TRAPPC13: variants seen among roughly 807,000 people sequenced by gnomAD.
TRAPPC13 encodes trafficking protein particle complex subunit 13.
A neutral mutation model predicts 54.0 loss-of-function variants in TRAPPC13; 39 were observed. The observed-to-expected ratio is 0.72, with a 90% confidence interval of 0.56 to 0.94. The LOEUF is 0.94. Ranked by LOEUF, TRAPPC13 falls within the 40% of genes least tolerant of loss-of-function variation. The pLI is 0.00. For missense variants in TRAPPC13, 386 were observed against 488.1 expected (o/e 0.79, Z 1.97); for synonymous variants, 148 against 167.7 (o/e 0.88, Z 0.91).
intron 4 of TRAPPC13, 102 bp downstream of exon 4, chr5:65,637,882 G>A: frequency 1.9e-6 from 1 of 535,566 alleles, no homozygotes; most frequent in Non-Finnish European, 3.2e-6. Flanking sequence ...ACTTTAGGAG[G>A]CTGAAGCAGG....
intron 1 of TRAPPC13, among the ~76,000 whole-genome samples, chr5:65,634,068 C>T (rs1376336555): frequency 6.6e-6 from 1 of 150,594 alleles, no homozygotes; most frequent in East Asian, 1.9e-4. Context: ...TCACTGCAAC[C>T]TCCGCCTCCC....
chr5:65,625,132 C>T (rs1755147142), intron 1 of TRAPPC13, 26 bp downstream of exon 1: 5 of 1,602,362 alleles, frequency 3.1e-6, no homozygotes, highest in Non-Finnish European at 4.3e-6. Context: ...CCTGATTCCC[C>T]CTTTTCTGTT....
chr5:65,639,334 T>G (rs1025757272), intron 4 of TRAPPC13, among the ~76,000 whole-genome samples: 2 of 151,776 alleles, frequency 1.3e-5, no homozygotes, highest in Non-Finnish European at 2.9e-5. Context: ...TGAAAAATTA[T>G]TTTTTAAAAT....
At chr5:65,650,952 G>A (rs947384584) in intron 6 of TRAPPC13, 70 bp downstream of exon 6, 56 of 1,129,542 alleles carry the variant, frequency 5.0e-5, no homozygotes, top group African/African-American at 2.3e-4. Flanking sequence ...AGTTATTCCC[G>A]TTTATCTGCA....
intron 4 of TRAPPC13, among the ~76,000 whole-genome samples, 155 bp downstream of exon 4, chr5:65,637,935 A>G (rs917444020): frequency 1.3e-5 from 2 of 151,746 alleles, no homozygotes; most frequent in Non-Finnish European, 2.9e-5. Context: ...CCTGGCCAAC[A>G]TGGTGAAACC....
At chr5:65,629,688 C>G in intron 1 of TRAPPC13, 1 of 1,536,002 alleles carries the variant, frequency 6.5e-7, no homozygotes, top group Non-Finnish European at 8.7e-7. Flanking sequence ...CCTACTCGTC[C>G]GCTATCAAGA....
intron 1 of TRAPPC13, chr5:65,630,533 C>T (rs1023140264): frequency 2.4e-6 from 3 of 1,274,700 alleles, no homozygotes; most frequent in Non-Finnish European, 3.0e-6. Flanking sequence ...ATTGTTTACA[C>T]TGAATTTGAA....
chr5:65,659,348 A>G (rs971777218), intron 9 of TRAPPC13, among the ~76,000 whole-genome samples: 13 of 152,206 alleles, frequency 8.5e-5, no homozygotes, highest in Non-Finnish European at 1.5e-4. Context: ...CTCCATCTTC[A>G]TCCCTCCATT....
Position 65,664,338 on chromosome 5 carries a change from C to T in TRAPPC13, c.1100C>T (p.Ser367Leu), listed in dbSNP as rs1756955941. 10 of 1,613,844 alleles carry T rather than the reference C, an allele frequency of 6.2e-6. No individual in the cohort carries two copies. Among genetic ancestry groups the T allele is most frequent in the Non-Finnish European group, 8.5e-6 (10 of 1,179,872 alleles). Residue 367 changes from serine (S) to leucine (L), a missense_variant, in exon 12 of 13, where the codon TCG becomes TTG. Physicochemically the swap from Ser to Leu is moderately radical, Grantham distance 145. Coordinates refer to ENST00000399438, the MANE Select transcript of TRAPPC13 (RefSeq NM_024941.4). ...RQLGKLHPSS[S>L]LCLALTLLSS... The stretch of plus-strand genomic sequence containing the variant: ...CTGGGAAAGCTGCATCCAAGTTCTT[C>T]GCTCTGTCTTGCCCTTACTCTGCTT...
chr5:65,637,989 C>G (rs1755817716), intron 4 of TRAPPC13, among the ~76,000 whole-genome samples: 1 of 150,774 alleles, frequency 6.6e-6, no homozygotes, highest in South Asian at 2.1e-4. Context: ...TGTGGTGGTG[C>G]ACACCTGTAG....
chr5:65,636,144 C>CTT (rs5868412), intron 3 of TRAPPC13, 101 bp downstream of exon 3: 23,093 of 501,876 alleles, frequency 0.046, 1 homozygote, highest in South Asian at 0.072. Context: ...ATACATTTAC[C>CTT]TTTTTTTTTT....
rs1471478934 is a variant in TRAPPC13, at chr5:65,649,896, G to A, written c.429-914G>A. ...TTTTGAGATGGAGTCTTACTCTGTCGCCCAGACTGGAGTGCAGTGGCGCAA... is the reference window on the plus strand; with the variant it reads ...TTTTGAGATGGAGTCTTACTCTGTCACCCAGACTGGAGTGCAGTGGCGCAA... On this transcript the variant is annotated intron_variant, in intron 5 of 12. Coordinates refer to ENST00000399438, the MANE Select transcript of TRAPPC13 (RefSeq NM_024941.4). Among the ~76,000 whole-genome samples the A allele has an allele frequency of 5.7e-5, 8 of 139,792 alleles. No homozygotes were observed. In the South Asian group the frequency reaches 6.7e-4, roughly 12 times the overall value. The allele number at this position is 139,792 out of a possible 152,430, so 91.7% of individuals were successfully genotyped here. A position where few individuals can be genotyped will look rare whatever the true frequency, so the allele number is the denominator to read the frequency against.
chr5:65,637,122 G>A (rs1755777577), intron 3 of TRAPPC13, among the ~76,000 whole-genome samples: 1 of 152,186 alleles, frequency 6.6e-6, no homozygotes, highest in Non-Finnish European at 1.5e-5. Flanking sequence ...TAATTTCAAT[G>A]AGTCTTATCT....
At chr5:65,629,511 A>G (rs1400788265) in intron 1 of TRAPPC13, 16 of 1,439,818 alleles carry the variant, frequency 1.1e-5, no homozygotes, top group Non-Finnish European at 1.8e-6. Flanking sequence ...ATCTTGCAAT[A>G]ATAAATTAAC....
intron 1 of TRAPPC13, chr5:65,630,013 T>A: frequency 6.5e-7 from 1 of 1,535,944 alleles, no homozygotes; most frequent in South Asian, 1.2e-5. Flanking sequence ...ATAATTGTAC[T>A]AAAAACGTTT....
intron 1 of TRAPPC13, among the ~76,000 whole-genome samples, chr5:65,632,856 T>C (rs1755599108): frequency 1.3e-5 from 2 of 152,224 alleles, no homozygotes; most frequent in Non-Finnish European, 1.5e-5. Context: ...TTGCCTTCAG[T>C]TTCTGAAACT....
intron 5 of TRAPPC13, among the ~76,000 whole-genome samples, chr5:65,650,452 G>A (rs114551163): frequency 0.033 from 5,039 of 152,024 alleles, 278 homozygotes; most frequent in African/African-American, 0.12. Context: ...ATGAACAACC[G>A]TGCCCAGCTG....
intron 1 of TRAPPC13, chr5:65,626,088 A>C (rs1336711017): frequency 1.1e-5 from 1 of 91,656 alleles, no homozygotes; most frequent in Non-Finnish European, 2.5e-5. Flanking sequence ...CTGTAAGCTT[A>C]ACCTGAGCAA....
At chr5:65,631,402 G>A (rs938040812) in intron 1 of TRAPPC13, among the ~76,000 whole-genome samples, 11 of 152,116 alleles carry the variant, frequency 7.2e-5, no homozygotes, top group Non-Finnish European at 1.6e-4. Flanking sequence ...GGTTCAAGGG[G>A]TACATGTGCA....
Sources: gnomAD v4.1 joint callset for allele counts (sites outside exome capture counted in the v4.1 genomes callset) on GRCh38, gnomAD v4.1.1 for gene constraint, MANE v1.5 for transcripts, NCBI Gene and HGNC (gene_info 2026-07-23, HGNC 2026-07-21) for gene names.